Variants in HDX observed in about 807,000 individuals in gnomAD.
HDX encodes the protein chromosome X open reading frame 43.
A neutral mutation model predicts 45.2 loss-of-function variants in HDX; 19 were observed. The ratio of observed to expected loss-of-function variants is 0.42; its 90% CI spans 0.29 to 0.62. The LOEUF is 0.62. Ranked by LOEUF, HDX falls within the 20% of genes least tolerant of loss-of-function variation. The pLI, the probability that HDX is intolerant of heterozygous loss-of-function variation, is 0.20. For missense variants in HDX, 532 were observed against 493.9 expected (o/e 1.08, Z -0.73); for synonymous variants, 188 against 172.8 (o/e 1.09, Z -0.69).
chrX:84,441,222 T>C (rs2039755251), intron 4 of HDX, among the ~76,000 whole-genome samples: 1 of 111,500 alleles, frequency 9.0e-6, no homozygotes, highest in Non-Finnish European at 1.9e-5. Flanking sequence ...AAACCATAGA[T>C]AAGGGAGGAC....
chrX:84,500,210 T>C (rs1192203884), intron 1 of HDX: 1 of 110,960 alleles, frequency 9.0e-6, no homozygotes, highest in African/African-American at 3.3e-5. Flanking sequence ...ATTTAGTCAT[T>C]GGAGGGTCTC....
At chrX:84,377,184 G>A (rs781265199) in intron 5 of HDX, among the ~76,000 whole-genome samples, 1 of 112,247 alleles carries the variant, frequency 8.9e-6, no homozygotes, top group South Asian at 3.7e-4. Flanking sequence ...GAATCACAGC[G>A]TTATTGGTCT....
rs1438835964 is a variant in HDX, at chrX:84,321,794, A to G, written c.*95T>C. On this transcript the variant is annotated 3_prime_UTR_variant, in exon 11 of 11. Transcript: ENST00000373177. ...TCCGTTTCAACAATGTGTTTTCCCA[A>G]CTAAAGAATACCAGGGCAACAGAAT... 2 of 702,385 alleles carry G rather than the reference A, an allele frequency of 2.8e-6. No homozygotes were observed. Among genetic ancestry groups the G allele is most frequent in the African/African-American group, 2.2e-5 (1 of 44,975 alleles). The allele number at this position is 702,385 out of a possible 1,213,427, so 57.9% of individuals were successfully genotyped here.
At chrX:84,475,436 A>G in intron 2 of HDX, 39 bp from the exon 3 acceptor site, 1 of 911,323 alleles carries the variant, frequency 1.1e-6, no homozygotes, top group South Asian at 2.7e-5. Flanking sequence ...TTGGAATAAA[A>G]ATTTGGTATG....
intron 6 of HDX, among the ~76,000 whole-genome samples, chrX:84,348,971 T>A (rs778831701): frequency 7.2e-5 from 8 of 111,575 alleles, no homozygotes; most frequent in Non-Finnish European, 9.4e-5. Context: ...TCTCCAATAT[T>A]CACAGTGAGA....
At chrX:84,419,261 TAGAC>T (rs2039191593) in intron 5 of HDX, among the ~76,000 whole-genome samples, 1 of 109,778 alleles carries the variant, frequency 9.1e-6, no homozygotes, top group African/African-American at 3.3e-5. Context: ...ACTGGACACT[TAGAC>T]AGCATTTCTG....
intron 2 of HDX, among the ~76,000 whole-genome samples, chrX:84,483,401 T>A (rs937300669): frequency 8.9e-6 from 1 of 112,554 alleles, no homozygotes; most frequent in Non-Finnish European, 1.9e-5. Flanking sequence ...TCTTGACTTA[T>A]GTGCACCTGC....
chrX:84,318,259 T>A lies in HDX; in HGVS notation c.*3630A>T, dbSNP rs2036536251. 1 of 110,470 alleles carries A rather than the reference T, an allele frequency of 9.1e-6. No homozygotes were observed. The highest frequency in any genetic ancestry group is 9.7e-5 in the Admixed American group (1 of 10,325). 9.1% of individuals were successfully genotyped at this position (110,470 alleles called of 1,213,427 possible). A position where few individuals can be genotyped will look rare whatever the true frequency, so the allele number is the denominator to read the frequency against. On this transcript the variant is annotated 3_prime_UTR_variant, in exon 11 of 11. Transcript: ENST00000373177. ...ACAGAGCATAGCTTGGTGAAGAGCATGATACAGTGCTGTCTGCCAAGGAAA... is the reference window on the plus strand; with the variant it reads ...ACAGAGCATAGCTTGGTGAAGAGCAAGATACAGTGCTGTCTGCCAAGGAAA...
chrX:84,450,501 T>C (rs1176822547), intron 4 of HDX, among the ~76,000 whole-genome samples: 1 of 111,861 alleles, frequency 8.9e-6, no homozygotes, highest in Non-Finnish European at 1.9e-5. Context: ...ATAAAAATTC[T>C]AAGCATATAT....
At chrX:84,377,054 A>C (rs1301116915) in intron 5 of HDX, among the ~76,000 whole-genome samples, 1 of 112,477 alleles carries the variant, frequency 8.9e-6, no homozygotes, top group Non-Finnish European at 1.9e-5. Flanking sequence ...AGAAAGAGAA[A>C]GACTGACCTC....
intron 5 of HDX, among the ~76,000 whole-genome samples, chrX:84,435,502 G>A (rs910432349): frequency 2.7e-5 from 3 of 109,824 alleles, no homozygotes; most frequent in East Asian, 2.9e-4. Flanking sequence ...TTTCTCCCAC[G>A]TTGTAGGTTG....
intron 5 of HDX, among the ~76,000 whole-genome samples, chrX:84,378,228 C>T (rs150535418): frequency 3.7e-4 from 41 of 111,533 alleles, no homozygotes; most frequent in African/African-American, 1.3e-3. Context: ...TTCATTAACG[C>T]GAGACCTGTT....
At chrX:84,453,800 C>A (rs1263869182) in intron 4 of HDX, among the ~76,000 whole-genome samples, 1 of 111,709 alleles carries the variant, frequency 9.0e-6, no homozygotes, top group Non-Finnish European at 1.9e-5. Flanking sequence ...CAGATTGCAG[C>A]TGTGGGAGCG....
chrX:84,373,858 A>T (rs2037967083), intron 5 of HDX, among the ~76,000 whole-genome samples: 1 of 110,957 alleles, frequency 9.0e-6, no homozygotes, highest in Non-Finnish European at 1.9e-5. Context: ...CAAGACAGGG[A>T]TGCCCTCTCT....
chrX:84,434,125 T>C (rs1394511968), intron 5 of HDX, among the ~76,000 whole-genome samples: 2 of 111,587 alleles, frequency 1.8e-5, no homozygotes, highest in Non-Finnish European at 3.8e-5. Flanking sequence ...ACATTGTCTG[T>C]TAAAAAAGGA....
intron 5 of HDX, among the ~76,000 whole-genome samples, chrX:84,372,557 G>C (rs2037922134): frequency 8.9e-6 from 1 of 112,120 alleles, no homozygotes; most frequent in Non-Finnish European, 1.9e-5. Context: ...AAACCTGCTA[G>C]AGTTTTGCAT....
At chrX:84,424,718 A>G (rs1193257065) in intron 5 of HDX, among the ~76,000 whole-genome samples, 4 of 111,444 alleles carry the variant, frequency 3.6e-5, no homozygotes, top group Admixed American at 9.6e-5. Flanking sequence ...GAAAAAGACA[A>G]TATCTTCAAT....
chrX:84,452,377 G>T (rs1384838442), intron 4 of HDX, among the ~76,000 whole-genome samples: 1 of 108,863 alleles, frequency 9.2e-6, no homozygotes, highest in Admixed American at 9.8e-5. Context: ...AATTAGCTGA[G>T]GAAAAAAAAT....
chrX:84,398,006 C>G (rs1047101603), intron 5 of HDX, among the ~76,000 whole-genome samples: 2 of 110,060 alleles, frequency 1.8e-5, no homozygotes, highest in African/African-American at 6.6e-5. Context: ...GTTCTCTCAT[C>G]CTGGGACTGA....
Sources: gnomAD v4.1 joint callset for allele counts (sites outside exome capture counted in the v4.1 genomes callset) on GRCh38, gnomAD v4.1.1 for gene constraint, MANE v1.5 for transcripts, NCBI Gene and HGNC (gene_info 2026-07-23, HGNC 2026-07-21) for gene names.